Variants in MARCHF8 observed in about 807,000 individuals in gnomAD.
MARCHF8 encodes membrane associated ring-CH-type finger 8.
In MARCHF8, 40 loss-of-function variants were observed where a neutral mutation model predicts 51.6. That is an observed-to-expected ratio of 0.77 (90% CI 0.60 to 1.01). MARCHF8 has a LOEUF of 1.01. Ranked by LOEUF, MARCHF8 falls within the 50% of genes least tolerant of loss-of-function variation. The pLI is 0.00. For synonymous variants in MARCHF8, 263 were observed against 280.3 expected, an observed-to-expected ratio of 0.94 and a Z score of 0.62; for missense variants, 685 against 708.6, an observed-to-expected ratio of 0.97 and a Z score of 0.38.
At chr10:45,548,170 A>G (rs2044150103) in intron 1 of MARCHF8, among the ~76,000 whole-genome samples, 2 of 152,246 alleles carry the variant, frequency 1.3e-5, no homozygotes, top group African/African-American at 4.8e-5. Context: ...AAAAAATTCC[A>G]TAAAAACTGG....
At chr10:45,522,147 C>CA (rs1217897625) in intron 2 of MARCHF8, among the ~76,000 whole-genome samples, 2 of 152,044 alleles carry the variant, frequency 1.3e-5, no homozygotes, top group Non-Finnish European at 2.9e-5. Flanking sequence ...AAATTTCCCC[C>CA]AAAAAACTCT....
chr10:45,535,002 A>G (rs963132589), intron 1 of MARCHF8, among the ~76,000 whole-genome samples: 1 of 152,246 alleles, frequency 6.6e-6, no homozygotes, highest in South Asian at 2.1e-4. Flanking sequence ...TCTGTTTATA[A>G]AGTCTAGTTT....
chr10:45,482,115 G>C (rs186682706), intron 3 of MARCHF8, among the ~76,000 whole-genome samples: 1 of 152,244 alleles, frequency 6.6e-6, no homozygotes, highest in East Asian at 1.9e-4. Flanking sequence ...TCAAAGAGGT[G>C]AAAGGCGTTG....
chr10:45,584,974 T>A (rs759712786), intron 1 of MARCHF8, among the ~76,000 whole-genome samples: 3 of 152,094 alleles, frequency 2.0e-5, no homozygotes, highest in Non-Finnish European at 4.4e-5. Context: ...ACAACCCAAA[T>A]AAGTGTGGGA....
intron 2 of MARCHF8, among the ~76,000 whole-genome samples, chr10:45,506,672 G>A (rs1224752862): frequency 3.3e-5 from 5 of 152,110 alleles, no homozygotes; most frequent in Admixed American, 6.5e-5. Flanking sequence ...ATATTGTCAC[G>A]CACGTCCATG....
chr10:45,473,261 CAATCATTGTA>C, intron 3 of MARCHF8, among the ~76,000 whole-genome samples: 1 of 152,288 alleles, frequency 6.6e-6, no homozygotes, highest in South Asian at 2.1e-4. Flanking sequence ...AGCAATAGAG[CAATCATTGTA>C]ATTGCTCATT....
intron 1 of MARCHF8, among the ~76,000 whole-genome samples, chr10:45,557,321 G>T (rs1297206400): frequency 6.6e-6 from 1 of 151,646 alleles, no homozygotes; most frequent in African/African-American, 2.4e-5. Flanking sequence ...TAGAGACGGG[G>T]TTTTGCCACG....
At chr10:45,549,073 A>C (rs1163895284) in intron 1 of MARCHF8, among the ~76,000 whole-genome samples, 2 of 152,082 alleles carry the variant, frequency 1.3e-5, no homozygotes, top group Non-Finnish European at 2.9e-5. Flanking sequence ...CTTGCCCTGC[A>C]GAGAACAGTG....
chr10:45,547,629 GTTTTTTT>G (rs1370112288), intron 1 of MARCHF8, among the ~76,000 whole-genome samples: 1 of 151,878 alleles, frequency 6.6e-6, no homozygotes, highest in Non-Finnish European at 1.5e-5. Context: ...TTTGTTTTTT[GTTTTTTT>G]AATTTCACAG....
chr10:45,567,690 C>T (rs914698650), intron 1 of MARCHF8, among the ~76,000 whole-genome samples: 11 of 152,002 alleles, frequency 7.2e-5, no homozygotes, highest in Non-Finnish European at 1.6e-4. Context: ...ACTGTATCTC[C>T]ATAGTATAAT....
Position 45,533,188 on chromosome 10 carries a change from G to C in MARCHF8, c.24C>G (p.Ile8Met). The C allele has an allele frequency of 6.2e-7, 1 of 1,611,834 alleles. No homozygotes were observed. The highest frequency in any genetic ancestry group is 8.5e-7 in the Non-Finnish European group (1 of 1,178,998). The part of the protein sequence containing the change: MSMPLHQ[I>M]SAIPSQDAIS... ...TGGCATCCTGGGATGGAATGGCAGA[G>C]ATCTGATGCAGTGGCATGCTCATCC... Residue 8 changes from isoleucine (I) to methionine (M), a missense_variant, in exon 2 of 8, where the codon ATC becomes ATG. Transcript: ENST00000453424.
chr10:45,482,974 G>A (rs915430462), intron 3 of MARCHF8, among the ~76,000 whole-genome samples: 7 of 152,066 alleles, frequency 4.6e-5, no homozygotes, highest in African/African-American at 1.7e-4. Context: ...CTCTCTCATC[G>A]CATACAAAAA....
In MARCHF8 at chr10:45,456,719, C is replaced by G. The variant is rs372867395; in HGVS notation, c.*1520G>C. ...ATCTGCGCTACATTGTGCTTCAGGC[C>G]CCCCCAGCAACTTTCCCGGAGGTAA... On this transcript the variant is annotated 3_prime_UTR_variant, in exon 8 of 8. Coordinates refer to ENST00000453424, the MANE Select transcript of MARCHF8 (RefSeq NM_001282866.2). 2.0e-5 allele frequency: 3 copies of G among 152,172 alleles called. No individual in the cohort carries two copies. Among genetic ancestry groups the G allele is most frequent in the Admixed American group, 6.5e-5 (1 of 15,276 alleles). 9.4% of individuals were successfully genotyped at this position (152,172 alleles called of 1,614,324 possible).
intron 1 of MARCHF8, among the ~76,000 whole-genome samples, chr10:45,553,646 C>CTA (rs35304303): frequency 0.062 from 9,389 of 152,226 alleles, 329 homozygotes; most frequent in Non-Finnish European, 0.066. Context: ...TGACAATAAA[C>CTA]TGGTAAATTC....
intron 2 of MARCHF8, among the ~76,000 whole-genome samples, chr10:45,516,917 C>T (rs547209047): frequency 1.1e-4 from 16 of 152,344 alleles, no homozygotes; most frequent in African/African-American, 3.8e-4. Flanking sequence ...GACAGCTCTC[C>T]AGTCACCTGC....
intron 1 of MARCHF8, among the ~76,000 whole-genome samples, chr10:45,572,352 C>T (rs1832038702): frequency 2.0e-5 from 3 of 152,052 alleles, no homozygotes; most frequent in South Asian, 2.1e-4. Flanking sequence ...TATAGGCAAC[C>T]TTCCACCCTC....
chr10:45,508,393 G>A (rs2043428325), intron 2 of MARCHF8, among the ~76,000 whole-genome samples: 1 of 150,790 alleles, frequency 6.6e-6, no homozygotes, highest in Non-Finnish European at 1.5e-5. Flanking sequence ...TGATGAAACT[G>A]CATGGGAGGA....
intron 2 of MARCHF8, among the ~76,000 whole-genome samples, chr10:45,526,380 T>C (rs1307665832): frequency 3.3e-5 from 5 of 152,130 alleles, no homozygotes; most frequent in Non-Finnish European, 7.4e-5. Flanking sequence ...CACCATGGAC[T>C]TTTGCAACGC....
chr10:45,461,361 T>C lies in MARCHF8; in HGVS notation c.1139A>G (p.His380Arg), dbSNP rs1564462503. The change falls in exon 6 of 8, where the codon CAC becomes CGC. Residue 380 changes from histidine (H) to arginine (R), a missense_variant. Physicochemically the swap from His to Arg is conservative, Grantham distance 29. Coordinates refer to ENST00000453424, the MANE Select transcript of MARCHF8 (RefSeq NM_001282866.2). The stretch of plus-strand genomic sequence containing the variant: ...CACGAAGTGGAGGCTTCCTGTGCAG[T>C]GGCAGGGGGTGATCAGGGGGCTCTC... ...DDESPLITPCHCTGSLHFVHQ... is the reference protein window; with the variant it reads ...DDESPLITPCRCTGSLHFVHQ... The C allele has an allele frequency of 1.2e-6, 2 of 1,600,942 alleles. No individual in the cohort carries two copies. The highest frequency in any genetic ancestry group is 2.7e-5 in the African/African-American group (2 of 74,002).
Sources: allele counts gnomAD v4.1 joint callset (sites outside exome capture counted in the v4.1 genomes callset), GRCh38; gene constraint gnomAD v4.1.1; transcripts MANE v1.5; gene names NCBI Gene and HGNC (gene_info 2026-07-23, HGNC 2026-07-21).